SEPTIN7: variants seen among roughly 807,000 people sequenced by gnomAD.
SEPTIN7 encodes the protein septin 7, also known as septin-7.
In SEPTIN7, 10 loss-of-function variants were observed where a neutral mutation model predicts 63.3. The ratio of observed to expected loss-of-function variants is 0.16; its 90% CI spans 0.10 to 0.27. The LOEUF is 0.27. Among genes scored for constraint, SEPTIN7 ranks in the 10% least tolerant of loss-of-function variants. SEPTIN7 has a pLI of 1.00. For missense variants in SEPTIN7, 310 were observed against 521.0 expected, an observed-to-expected ratio of 0.59 and a Z score of 3.94; for synonymous variants, 131 against 165.3, an observed-to-expected ratio of 0.79 and a Z score of 1.59.
At chr7:35,891,725 C>T (rs1339985992) in intron 11 of SEPTIN7, among the ~76,000 whole-genome samples, 1 of 152,130 alleles carries the variant, frequency 6.6e-6, no homozygotes, top group Non-Finnish European at 1.5e-5. Context: ...TTAGGCTATA[C>T]TAAATTTATT....
Position 35,813,410 on chromosome 7 carries a change from A to G in SEPTIN7, c.61+12140A>G, listed in dbSNP as rs369628364. On this transcript the variant is annotated intron_variant, in intron 1 of 13. Coordinates refer to ENST00000350320, the MANE Select transcript of SEPTIN7 (RefSeq NM_001788.6). ...CGCTCTGTCACCCAGACTGGAGTGC[A>G]GTGGCATGATCTCAGCTCACTGTTG... Among the ~76,000 whole-genome samples the G allele has an allele frequency of 1.7e-4, 26 of 151,244 alleles. 1 individual carries two copies. In the East Asian group the frequency reaches 5.0e-3, roughly 29 times the overall value.
intron 1 of SEPTIN7, among the ~76,000 whole-genome samples, chr7:35,802,492 G>T (rs1396840495): frequency 6.6e-6 from 1 of 151,978 alleles, no homozygotes; most frequent in East Asian, 1.9e-4. Context: ...TTTTTATTTT[G>T]ATGAAAGGAA....
chr7:35,842,209 A>T (rs1008976256), intron 3 of SEPTIN7, among the ~76,000 whole-genome samples: 1 of 152,154 alleles, frequency 6.6e-6, no homozygotes, highest in African/African-American at 2.4e-5. Context: ...TTATGCCAGG[A>T]TATTGTACTT....
chr7:35,875,126 A>T (rs1217121549), intron 6 of SEPTIN7, among the ~76,000 whole-genome samples: 3 of 152,144 alleles, frequency 2.0e-5, no homozygotes, highest in African/African-American at 2.4e-5. Context: ...CCCCTTGGGG[A>T]AAATTTTATT....
intron 4 of SEPTIN7, among the ~76,000 whole-genome samples, chr7:35,871,785 G>A (rs1786165834): frequency 6.6e-6 from 1 of 152,164 alleles, no homozygotes; most frequent in Non-Finnish European, 1.5e-5. Flanking sequence ...GTGTTATCAG[G>A]AGAAAGCCTG....
chr7:35,906,211 TATAATA>T lies in SEPTIN7; in HGVS notation c.*1923_*1928del, dbSNP rs1296318585. The T allele has an allele frequency of 2.0e-5, 3 of 152,358 alleles. No homozygotes were observed. Among genetic ancestry groups the T allele is most frequent in the Admixed American group, 6.5e-5 (1 of 15,302 alleles). The allele number at this position is 152,358 out of a possible 1,614,324, so 9.4% of individuals were successfully genotyped here. On this transcript the variant is annotated 3_prime_UTR_variant, in exon 14 of 14. Transcript: ENST00000350320. ...AATACTATTTCAAAATTCTATGTAT[TATAATA>T]ATAAATTTGTAAGACATTCATTATT...
intron 3 of SEPTIN7, among the ~76,000 whole-genome samples, chr7:35,846,089 G>T (rs1364989685): frequency 6.6e-6 from 1 of 152,096 alleles, no homozygotes; most frequent in African/African-American, 2.4e-5. Context: ...GGCATTTTAA[G>T]AGAGAGGACA....
At chr7:35,845,811 A>G (rs1293382194) in intron 3 of SEPTIN7, among the ~76,000 whole-genome samples, 1 of 152,080 alleles carries the variant, frequency 6.6e-6, no homozygotes, top group Non-Finnish European at 1.5e-5. Flanking sequence ...ACTCTTAGGA[A>G]TTGATTTTTT....
At chr7:35,838,104 T>C (rs1232861503) in intron 3 of SEPTIN7, among the ~76,000 whole-genome samples, 1 of 152,154 alleles carries the variant, frequency 6.6e-6, no homozygotes, top group Non-Finnish European at 1.5e-5. Flanking sequence ...AAAAACTTTT[T>C]TTTTCTTAAG....
At chr7:35,844,306 C>T (rs1417962069) in intron 3 of SEPTIN7, among the ~76,000 whole-genome samples, 1 of 152,024 alleles carries the variant, frequency 6.6e-6, no homozygotes, top group African/African-American at 2.4e-5. Flanking sequence ...CTGATAGGAT[C>T]GATTAGAATC....
chr7:35,897,938 A>G (rs1243110439), intron 11 of SEPTIN7, among the ~76,000 whole-genome samples: 1 of 152,084 alleles, frequency 6.6e-6, no homozygotes, highest in African/African-American at 2.4e-5. Context: ...GAACAAAATT[A>G]AATTATTTTC....
chr7:35,829,128 CTTTTTT>C (rs71553032), intron 1 of SEPTIN7, among the ~76,000 whole-genome samples: 33 of 61,068 alleles, frequency 5.4e-4, no homozygotes, highest in African/African-American at 1.5e-3. Flanking sequence ...CATGGACCTT[CTTTTTT>C]TTTTTTTTTT....
At chr7:35,914,479 C>G in the SEPTIN7 span, among the ~76,000 whole-genome samples, 1 of 152,300 alleles carries the variant, frequency 6.6e-6, no homozygotes, top group African/African-American at 2.4e-5. Flanking sequence ...AATTATGCCT[C>G]CGGGCTTTCT....
chr7:35,802,896 A>C (rs902028003), intron 1 of SEPTIN7, among the ~76,000 whole-genome samples: 12 of 152,186 alleles, frequency 7.9e-5, no homozygotes, highest in African/African-American at 2.9e-4. Context: ...TAAAGGAGAT[A>C]AGAGTTGAGT....
intron 3 of SEPTIN7, among the ~76,000 whole-genome samples, chr7:35,836,887 A>AT (rs1474886893): frequency 2.0e-5 from 3 of 152,226 alleles, no homozygotes; most frequent in African/African-American, 7.2e-5. Flanking sequence ...TGATTTTAAG[A>AT]TTTTTCCTTG....
intron 3 of SEPTIN7, among the ~76,000 whole-genome samples, chr7:35,854,906 T>C (rs1785129419): frequency 6.6e-6 from 1 of 152,120 alleles, no homozygotes; most frequent in South Asian, 2.1e-4. Context: ...AGTTGGTATA[T>C]TCACTTTTAT....
At chr7:35,863,214 A>G (rs1785608738) in intron 3 of SEPTIN7, among the ~76,000 whole-genome samples, 2 of 149,866 alleles carry the variant, frequency 1.3e-5, no homozygotes, top group South Asian at 4.3e-4. Context: ...ATTTCACTCA[A>G]GCAGCGACAT....
chr7:35,908,715 C>T (rs955413431), downstream of SEPTIN7, among the ~76,000 whole-genome samples: 5 of 152,176 alleles, frequency 3.3e-5, no homozygotes, highest in African/African-American at 9.7e-5. Flanking sequence ...AGGTGGGCCA[C>T]CCCGCTTAGC....
downstream of SEPTIN7, among the ~76,000 whole-genome samples, chr7:35,908,649 G>T (rs563126735): frequency 6.6e-6 from 1 of 152,172 alleles, no homozygotes; most frequent in East Asian, 1.9e-4. Flanking sequence ...TAGCAGAGGG[G>T]GGGTAGTCAG....
Sources: gnomAD v4.1 joint callset for allele counts (sites outside exome capture counted in the v4.1 genomes callset) on GRCh38, gnomAD v4.1.1 for gene constraint, MANE v1.5 for transcripts, NCBI Gene and HGNC (gene_info 2026-07-23, HGNC 2026-07-21) for gene names.